The following HSPA14 variants were observed in gnomAD, a reference collection of about 807,000 sequenced individuals.
HSPA14 encodes the protein heat shock protein family A (Hsp70) member 14, also known as heat shock 70 kDa protein 14.
HSPA14 carries 37 observed loss-of-function variants against 65.5 expected under a neutral mutation model. The observed-to-expected ratio is 0.56, with a 90% CI of 0.43 to 0.74. The LOEUF is 0.74. HSPA14 is among the 30% of genes least tolerant of loss of function. The pLI is 0.00. For synonymous variants in HSPA14, 203 were observed against 214.2 expected (o/e 0.95, Z 0.46); for missense variants, 564 against 607.6 (o/e 0.93, Z 0.75).
chr10:14,867,643 A>G, intron 11 of HSPA14, 93 bp from the exon 12 acceptor site: 3 of 1,086,528 alleles, frequency 2.8e-6, no homozygotes, highest in Non-Finnish European at 4.0e-6. Flanking sequence ...CCTGTTTATC[A>G]ATAAGGAATA....
chr10:14,852,444 G>A lies in HSPA14; in HGVS notation c.647G>A (p.Arg216Gln), dbSNP rs779070180. The A allele has an allele frequency of 2.5e-6, 4 of 1,613,646 alleles. No homozygotes were observed. Among genetic ancestry groups the A allele is most frequent in the Admixed American group, 1.7e-5 (1 of 59,990 alleles). ...SVMEVNSGIY[R>Q]VLSTNTDDNI... is the part of the protein sequence containing the mutation. ...ATGGAAGTTAACAGTGGAATATATC[G>A]GGTTCTTTCAACAAACACTGATGAT... The change falls in exon 8 of 14, where the codon CGG (arginine) becomes CAG (glutamine). Residue 216 changes from arginine to glutamine, a missense_variant. Coordinates refer to ENST00000378372, the MANE Select transcript of HSPA14 (RefSeq NM_016299.4).
chr10:14,842,836 C>T lies in HSPA14; in HGVS notation c.221+2679C>T, dbSNP rs1299616174. The T allele has an allele frequency of 1.3e-6, 2 of 1,531,402 alleles. No individual in the cohort carries two copies. The highest frequency in any genetic ancestry group is 2.4e-5 in the East Asian group (1 of 40,862). The allele number at this position is 1,531,402 out of a possible 1,614,324, so 94.9% of individuals were successfully genotyped here. A position where few individuals can be genotyped will look rare whatever the true frequency, so the allele number is the denominator to read the frequency against. The stretch of plus-strand genomic sequence containing the variant: ...ACCTTGAGGACTCCTGGGATGAATC[C>T]TCGGGTGCAGGTAACTCCCAAGCAT... On this transcript the variant is annotated intron_variant, in intron 3 of 13. Coordinates refer to ENST00000378372, the MANE Select transcript of HSPA14 (RefSeq NM_016299.4). This position sits in a 1 kb window ranked among gnomAD's most constrained non-coding sequence, Gnocchi z 5.2.
chr10:14,838,344 C>A lies in HSPA14; in HGVS notation c.-59C>A. ...GTGCCTGATGGGGCCGTTGGGCGGC[C>A]GGTAGCTGTTGCTGTTGGGGGACCC... On this transcript the variant is annotated 5_prime_UTR_variant, in exon 1 of 14. Transcript: ENST00000378372. 1.3e-6 allele frequency: 2 copies of A among 1,519,328 alleles called. No individual in the cohort carries two copies. The highest frequency in any genetic ancestry group is 1.8e-6 in the Non-Finnish European group (2 of 1,121,846). The allele number at this position is 1,519,328 out of a possible 1,614,324, so 94.1% of individuals were successfully genotyped here.
At chr10:14,844,090 CA>C in intron 3 of HSPA14, 1 of 1,410,026 alleles carries the variant, frequency 7.1e-7, no homozygotes, top group Non-Finnish European at 9.2e-7. Context: ...TCAGAAATGC[CA>C]GGGGTGACCT....
Position 14,854,107 on chromosome 10 carries a change from G to A in HSPA14, c.735-18G>A. On this transcript the variant is annotated intron_variant, in intron 8 of 13. Coordinates refer to ENST00000378372, the MANE Select transcript of HSPA14 (RefSeq NM_016299.4). ...GGCCCAGTAATTTTAAACCCCAAAG[G>A]CTATGTTTTTAATTTAGATCCTTCA... 6.3e-7 allele frequency: 1 copy of A among 1,578,984 alleles called. No homozygotes were observed. The highest frequency in any genetic ancestry group is 8.6e-7 in the Non-Finnish European group (1 of 1,164,988).
chr10:14,844,728 A>C, intron 3 of HSPA14: 1 of 964,704 alleles, frequency 1.0e-6, no homozygotes, highest in Non-Finnish European at 1.2e-6. Context: ...TATTAAATAT[A>C]TGTAAATTCT....
chr10:14,866,941 T>C lies in HSPA14; in HGVS notation c.994-142T>C, dbSNP rs1832811641. On this transcript the variant is annotated intron_variant, in intron 10 of 13. Coordinates refer to ENST00000378372, the MANE Select transcript of HSPA14 (RefSeq NM_016299.4). ...TATGTTTGTGTATTTATAGGTTAAG[T>C]ATAACATAACATGTTAATATATAGG... The C allele has an allele frequency of 5.3e-6, 3 of 567,478 alleles. No individual in the cohort carries two copies. In the Admixed American group the frequency reaches 8.9e-5, roughly 17 times the overall value. The allele number at this position is 567,478 out of a possible 1,614,324, so 35.2% of individuals were successfully genotyped here. A position where few individuals can be genotyped will look rare whatever the true frequency, so the allele number is the denominator to read the frequency against.
intron 10 of HSPA14, among the ~76,000 whole-genome samples, chr10:14,856,602 C>G (rs1324895435): frequency 6.6e-6 from 1 of 152,188 alleles, no homozygotes; most frequent in African/African-American, 2.4e-5. Flanking sequence ...TGGCTCAAGC[C>G]TGTAATGCCA....
At chr10:14,869,290 ATATT>A (rs1832834336) in intron 12 of HSPA14, among the ~76,000 whole-genome samples, 3 of 150,340 alleles carry the variant, frequency 2.0e-5, no homozygotes, top group South Asian at 4.2e-4. Context: ...TTTAGCTCAC[ATATT>A]TATTTTAATT....
rs112132864 is a variant in HSPA14 at position 14,868,501 on chromosome 10, TCACACACA to T, written c.1380+610_1380+617del. On this transcript the variant is annotated intron_variant, in intron 12 of 13. Transcript: ENST00000378372. Reference sequence around the variant, plus strand: ...ACATGTCTGAGAAATGCAGTTGCATTCACACACACACACACACACACACACGGACTGCA... The same window carrying T: ...ACATGTCTGAGAAATGCAGTTGCATTCACACACACACACACACGGACTGCA... Among the ~76,000 whole-genome samples the T allele has an allele frequency of 4.1e-5, 6 of 147,478 alleles. No homozygotes were observed. The Middle Eastern group carries it at 0.014, about 354-fold the overall frequency.
chr10:14,864,566 G>C (rs1221696772), intron 10 of HSPA14, among the ~76,000 whole-genome samples: 1 of 151,620 alleles, frequency 6.6e-6, no homozygotes, highest in African/African-American at 2.4e-5. Context: ...CCACCTATGA[G>C]TGAGAACATG....
chr10:14,857,033 T>C (rs369003518), intron 10 of HSPA14, among the ~76,000 whole-genome samples: 5 of 152,304 alleles, frequency 3.3e-5, no homozygotes, highest in African/African-American at 9.6e-5. Context: ...TTAATAACAG[T>C]TCTAATTCTG....
chr10:14,855,934 T>C lies in HSPA14; in HGVS notation c.984T>C (p.Asp328=), dbSNP rs778685514. Residue 328 remains aspartate (D), a synonymous_variant, in exon 10 of 14, where the codon GAT becomes GAC. Transcript: ENST00000378372. ...LLDQNGFTAD[D]INKVVLCGGS... is the part of the protein sequence containing the mutation. ...ATCAAAATGGATTTACAGCAGATGA[T>C]ATCAACAAGGTAATGCTTTTACATT... The C allele has an allele frequency of 4.6e-5, 72 of 1,554,066 alleles. No homozygotes were observed. The highest frequency in any genetic ancestry group is 1.7e-4 in the Middle Eastern group (1 of 5,938).
rs1383352942 is a variant in HSPA14, at chr10:14,855,812, T to C, written c.891-29T>C. The C allele has an allele frequency of 3.6e-6, 4 of 1,099,690 alleles. No individual in the cohort carries two copies. The South Asian group carries it at 5.2e-5, about 14-fold the overall frequency. The allele number at this position is 1,099,690 out of a possible 1,614,324, so 68.1% of individuals were successfully genotyped here. On this transcript the variant is annotated intron_variant, in intron 9 of 13. Transcript: ENST00000378372. ...TCTTTCTCTTGTCCCTGTGTCTGTGTGTTTCTGTGTGTGTGTATGTGTGTA... is the reference window on the plus strand; with the variant it reads ...TCTTTCTCTTGTCCCTGTGTCTGTGCGTTTCTGTGTGTGTGTATGTGTGTA...
intron 3 of HSPA14, chr10:14,844,257 A>G (rs887463456): frequency 3.3e-5 from 36 of 1,085,440 alleles, no homozygotes; most frequent in Non-Finnish European, 4.1e-5. Flanking sequence ...TGTTGTGAGG[A>G]TCACGTAGTT....
intron 9 of HSPA14, 115 bp downstream of exon 9, chr10:14,854,395 T>C (rs1372556261): frequency 2.5e-6 from 2 of 809,332 alleles, no homozygotes; most frequent in Non-Finnish European, 3.8e-6. Flanking sequence ...CAACCATCTA[T>C]AATGTCTTCA....
chr10:14,851,523 G>A (rs1834108482), intron 7 of HSPA14, among the ~76,000 whole-genome samples, 200 bp downstream of exon 7: 2 of 152,224 alleles, frequency 1.3e-5, no homozygotes. Flanking sequence ...TGGGAGAGAA[G>A]GTTGAGCTTT....
At chr10:14,871,021 G>C (rs1276886795) in intron 13 of HSPA14, among the ~76,000 whole-genome samples, 1 of 152,124 alleles carries the variant, frequency 6.6e-6, no homozygotes, top group African/African-American at 2.4e-5. Context: ...CTTTATTGCT[G>C]CAGAAAATCT....
At chr10:14,850,282 A>C (rs1001890439) in intron 6 of HSPA14, among the ~76,000 whole-genome samples, 2 of 152,070 alleles carry the variant, frequency 1.3e-5, no homozygotes, top group Non-Finnish European at 2.9e-5. Flanking sequence ...AAAAAAAAAA[A>C]AGCCAAGAGA....
Sources: allele counts gnomAD v4.1 joint callset (sites outside exome capture counted in the v4.1 genomes callset), GRCh38; gene constraint gnomAD v4.1.1; non-coding constraint Gnocchi (gnomAD v3.1); transcripts MANE v1.5; gene names NCBI Gene and HGNC (gene_info 2026-07-23, HGNC 2026-07-21).